The following TMIGD2 variants were observed in gnomAD, a reference collection of about 807,000 sequenced individuals.
TMIGD2 encodes the protein transmembrane and immunoglobulin domain containing 2.
A neutral mutation model predicts 22.6 loss-of-function variants in TMIGD2; 18 were observed. The ratio of observed to expected loss-of-function variants is 0.80; its 90% confidence interval spans 0.55 to 1.18. The LOEUF (loss-of-function observed/expected upper bound fraction) is 1.18. TMIGD2 is among the 50% of genes most tolerant of loss of function. TMIGD2 has a pLI of 0.00. For synonymous variants in TMIGD2, 184 were observed against 154.1 expected (o/e 1.19, Z -1.44); for missense variants, 361 against 378.2 (o/e 0.95, Z 0.38).
chr19:4,300,225 C>A (rs1339476048), intron 1 of TMIGD2, among the ~76,000 whole-genome samples: 2 of 149,922 alleles, frequency 1.3e-5, no homozygotes, highest in African/African-American at 4.9e-5. Flanking sequence ...CGTGCCACTG[C>A]ACTCCAGCCT....
At chr19:4,299,582 A>G (rs537381555) in intron 1 of TMIGD2, among the ~76,000 whole-genome samples, 1 of 151,050 alleles carries the variant, frequency 6.6e-6, no homozygotes, top group African/African-American at 2.4e-5. Flanking sequence ...AGTTCATTGC[A>G]GCCTCAGCCG....
intron 2 of TMIGD2, among the ~76,000 whole-genome samples, chr19:4,297,299 C>T (rs532451778): frequency 6.6e-6 from 1 of 152,122 alleles, no homozygotes; most frequent in Admixed American, 6.6e-5. Context: ...GAACCCCTGA[C>T]CTCAGGTGAT....
At chr19:4,299,030 G>A (rs1351054758) in intron 1 of TMIGD2, among the ~76,000 whole-genome samples, 2 of 152,196 alleles carry the variant, frequency 1.3e-5, no homozygotes, top group Non-Finnish European at 2.9e-5. Flanking sequence ...GTCGTGAAAT[G>A]AGAACTGCAG....
chr19:4,300,624 G>C (rs1971524493), intron 1 of TMIGD2, among the ~76,000 whole-genome samples: 1 of 152,186 alleles, frequency 6.6e-6, no homozygotes, highest in South Asian at 2.1e-4. Context: ...CCAAATTACT[G>C]GTGTTACAAG....
chr19:4,302,316 G>A lies in TMIGD2; in HGVS notation c.46+24C>T, dbSNP rs562238754. On this transcript the variant is annotated intron_variant, in intron 1 of 4. Transcript: ENST00000301272. ...GATGACAGCAAGAGTGGGGTTCAGA[G>A]GGGAGGGAGGCCCAGATACTCACCC... 241 of 1,561,298 alleles carry A rather than the reference G, an allele frequency of 1.5e-4. 3 individuals carry two copies. In the East Asian group the frequency reaches 5.6e-3, roughly 36 times the overall value.
At chr19:4,293,195 T>A (rs1483362231) in intron 4 of TMIGD2, among the ~76,000 whole-genome samples, 1 of 151,186 alleles carries the variant, frequency 6.6e-6, no homozygotes, top group Non-Finnish European at 1.5e-5. Flanking sequence ...TCTCCTGACC[T>A]CGTGATCCAC....
chr19:4,292,555 T>A, exon 5 of TMIGD2: 1 of 1,575,850 alleles, frequency 6.3e-7, no homozygotes, highest in Non-Finnish European at 8.7e-7. Context: ...CCCTTTTTTG[T>A]GTGTACCTAT....
At chr19:4,299,804 T>C (rs1280585421) in intron 1 of TMIGD2, among the ~76,000 whole-genome samples, 1 of 150,390 alleles carries the variant, frequency 6.6e-6, no homozygotes, top group African/African-American at 2.5e-5. Context: ...GAGAATCACT[T>C]GAATCCGAGA....
At chr19:4,302,085 G>A (rs968619091) in intron 1 of TMIGD2, among the ~76,000 whole-genome samples, 1 of 152,168 alleles carries the variant, frequency 6.6e-6, no homozygotes, top group South Asian at 2.1e-4. Flanking sequence ...AGGGAGCAAA[G>A]GCACTGCGGA....
intron 2 of TMIGD2, 87 bp downstream of exon 2, chr19:4,297,899 T>C (rs1309474501): frequency 1.4e-6 from 2 of 1,436,340 alleles, no homozygotes; most frequent in East Asian, 2.5e-5. Flanking sequence ...ATTTAGAGTT[T>C]TTTGTTTCTA....
chr19:4,298,606 C>T (rs139522799), intron 1 of TMIGD2, among the ~76,000 whole-genome samples: 102 of 152,158 alleles, frequency 6.7e-4, no homozygotes, highest in African/African-American at 2.4e-3. Context: ...GGTATGGTGG[C>T]GTGCACCGTG....
chr19:4,293,266 T>C (rs1971410193), intron 4 of TMIGD2, among the ~76,000 whole-genome samples: 1 of 146,456 alleles, frequency 6.8e-6, no homozygotes, highest in Admixed American at 6.8e-5. Context: ...CGGCCTTTTT[T>C]TTTTTTTTTT....
intron 2 of TMIGD2, among the ~76,000 whole-genome samples, chr19:4,295,229 C>G (rs1404825771): frequency 1.5e-5 from 2 of 132,900 alleles, no homozygotes; most frequent in Non-Finnish European, 3.1e-5. Flanking sequence ...TCACTACGCT[C>G]CAGCCTGGGT....
At chr19:4,293,474 C>T (rs577314446) in intron 4 of TMIGD2, among the ~76,000 whole-genome samples, 3 of 144,436 alleles carry the variant, frequency 2.1e-5, no homozygotes, top group Non-Finnish European at 4.5e-5. Flanking sequence ...GTTGGCCAGG[C>T]TGGTCTCGAA....
intron 4 of TMIGD2, among the ~76,000 whole-genome samples, chr19:4,293,561 AT>A (rs548398108): frequency 1.9e-3 from 263 of 141,904 alleles, no homozygotes; most frequent in Middle Eastern, 7.5e-3. Context: ...CACCCGGCCA[AT>A]TTTTTTTTTT....
chr19:4,296,030 C>T (rs982073347), intron 2 of TMIGD2, among the ~76,000 whole-genome samples: 7 of 152,080 alleles, frequency 4.6e-5, no homozygotes, highest in Admixed American at 1.3e-4. Flanking sequence ...GTGATCCTCC[C>T]GCCTCAACCT....
intron 4 of TMIGD2, 47 bp downstream of exon 4, chr19:4,294,532 G>A (rs1168211989): frequency 1.3e-6 from 2 of 1,575,940 alleles, no homozygotes; most frequent in Non-Finnish European, 1.7e-6. Context: ...TCAAGCAGCT[G>A]CAGTTCCCAC....
chr19:4,299,211 C>G (rs1207483904), intron 1 of TMIGD2, among the ~76,000 whole-genome samples: 2 of 151,972 alleles, frequency 1.3e-5, no homozygotes, highest in African/African-American at 4.8e-5. Context: ...GTGGCACCAT[C>G]ACAGCTCACG....
At chr19:4,302,293 T>C (rs1971547154) in intron 1 of TMIGD2, 47 bp downstream of exon 1, 2 of 1,537,486 alleles carry the variant, frequency 1.3e-6, no homozygotes, top group Non-Finnish European at 1.8e-6. Context: ...CAGCTGGGGA[T>C]GACAGCAAGA....
Sources: gnomAD v4.1 joint callset for allele counts (sites outside exome capture counted in the v4.1 genomes callset) on GRCh38, gnomAD v4.1.1 for gene constraint, MANE v1.5 for transcripts, NCBI Gene and HGNC (gene_info 2026-07-23, HGNC 2026-07-21) for gene names.